Variants in CTTN observed in about 807,000 individuals in gnomAD.
CTTN encodes cortactin.
A neutral mutation model predicts 84.0 loss-of-function variants in CTTN; 28 were observed. The observed-to-expected ratio is 0.33, with a 90% confidence interval of 0.25 to 0.46. The LOEUF is 0.46. Among genes scored for constraint, CTTN ranks in the 20% least tolerant of loss-of-function variants. The probability of loss-of-function intolerance (pLI) is 1.00; values close to 1 mark genes in which losing one functional copy is unlikely to be tolerated. For missense variants in CTTN, 641 were observed against 723.8 expected, an observed-to-expected ratio of 0.89 and a Z score of 1.31; for synonymous variants, 301 against 288.8, an observed-to-expected ratio of 1.04 and a Z score of -0.43.
At position 70,435,163 on chromosome 11, in the gene CTTN, G is replaced by T; in HGVS notation, c.*1G>T. 6.2e-7 allele frequency: 1 copy of T among 1,606,892 alleles called. No individual in the cohort carries two copies. ...CAACTATGTGGAGCTGCGGCAGTAG[G>T]GCCCCCAGCCCCCCCCCGGAGCTGC... On this transcript the variant is annotated 3_prime_UTR_variant, in exon 18 of 18. Coordinates refer to ENST00000301843, the MANE Select transcript of CTTN (RefSeq NM_005231.4).
intron 10 of CTTN, among the ~76,000 whole-genome samples, chr11:70,420,960 C>T (rs1006497627): frequency 6.6e-6 from 1 of 152,206 alleles, no homozygotes; most frequent in Non-Finnish European, 1.5e-5. Flanking sequence ...CGGTTTTTGG[C>T]AGGAGATACT....
At chr11:70,425,436 T>C (rs759804911) in intron 13 of CTTN, 35 bp downstream of exon 13, 1 of 1,556,226 alleles carries the variant, frequency 6.4e-7, no homozygotes, top group South Asian at 1.1e-5. Context: ...CACCGTGTGG[T>C]TTCCCAGGAA....
At chr11:70,433,319 G>T in intron 16 of CTTN, 41 bp downstream of exon 16, 2 of 1,546,438 alleles carry the variant, frequency 1.3e-6, no homozygotes, top group Non-Finnish European at 1.7e-6. Context: ...CCAGGGCAGG[G>T]AGCTCCCGGG....
In CTTN at chr11:70,435,263, T is replaced by G. The variant is rs1300469729; in HGVS notation, c.*101T>G. On this transcript the variant is annotated 3_prime_UTR_variant, in exon 18 of 18. Transcript: ENST00000301843. ...TTTTGGGTTTTTTCTGTTTTTTTTT[T>G]TTTTTTTTTTTTTTTGAAGGTGGGG... The G allele has an allele frequency of 1.4e-6, 2 of 1,386,162 alleles. No homozygotes were observed. The highest frequency in any genetic ancestry group is 1.9e-6 in the Non-Finnish European group (2 of 1,074,982). 85.9% of individuals were successfully genotyped at this position (1,386,162 alleles called of 1,614,324 possible). A position where few individuals can be genotyped will look rare whatever the true frequency, so the allele number is the denominator to read the frequency against.
In CTTN at chr11:70,432,982, G is replaced by A. The variant is rs11825563; in HGVS notation, c.1267-119G>A. The A allele has an allele frequency of 0.017, 19,581 of 1,126,106 alleles. 2,460 individuals are homozygous for A. The African/African-American group carries it at 0.27, about 16-fold the overall frequency. 69.8% of individuals were successfully genotyped at this position (1,126,106 alleles called of 1,614,324 possible). On this transcript the variant is annotated intron_variant, in intron 15 of 17. Coordinates refer to ENST00000301843, the MANE Select transcript of CTTN (RefSeq NM_005231.4). The stretch of plus-strand genomic sequence containing the variant: ...TTCCTATACCGCGTCTGTTTTCTCA[G>A]TCCTGGCTGGGACTGAGAATTAGAT...
At chr11:70,434,932 G>C in intron 17 of CTTN, 94 bp from the exon 18 acceptor site, 2 of 1,375,338 alleles carry the variant, frequency 1.5e-6, no homozygotes, top group South Asian at 2.3e-5. Context: ...TCTCTGAGCA[G>C]GCTGCCTGGG....
At chr11:70,432,083 G>A (rs2058359317) in intron 15 of CTTN, among the ~76,000 whole-genome samples, 1 of 152,294 alleles carries the variant, frequency 6.6e-6, no homozygotes, top group Middle Eastern at 3.4e-3. Context: ...GACAGGCCGG[G>A]TCTGGGATCT....
intron 12 of CTTN, among the ~76,000 whole-genome samples, chr11:70,423,348 T>C (rs367616373): frequency 6.6e-6 from 1 of 152,112 alleles, no homozygotes; most frequent in East Asian, 1.9e-4. Context: ...GGAACCTGAG[T>C]GTGTTAGACT....
intron 13 of CTTN, among the ~76,000 whole-genome samples, chr11:70,425,743 G>A (rs747516925): frequency 1.3e-5 from 2 of 152,164 alleles, no homozygotes; most frequent in East Asian, 1.9e-4. Flanking sequence ...TCCCTGAGCC[G>A]CTCGGTCGCA....
chr11:70,401,802 C>T (rs2057986281), intron 1 of CTTN, among the ~76,000 whole-genome samples: 1 of 151,408 alleles, frequency 6.6e-6, no homozygotes, highest in Non-Finnish European at 1.5e-5. Context: ...CCTCTGCACT[C>T]TAGCCTGGGC....
At chr11:70,403,781 AT>A in intron 1 of CTTN, among the ~76,000 whole-genome samples, 1 of 152,204 alleles carries the variant, frequency 6.6e-6, no homozygotes, top group African/African-American at 2.4e-5. Context: ...CCTATTGGTT[AT>A]TTTTGTGATT....
intron 14 of CTTN, among the ~76,000 whole-genome samples, chr11:70,429,923 C>G (rs1340310230): frequency 6.6e-6 from 1 of 152,074 alleles, no homozygotes; most frequent in Admixed American, 6.5e-5. Flanking sequence ...TGGGGCAGGC[C>G]CAGCCTGTCT....
At position 70,417,253 on chromosome 11, in the gene CTTN, G is replaced by GT. The variant is rs2058174633; in HGVS notation, c.568+131dup. 4 of 694,182 alleles carry GT rather than the reference G, an allele frequency of 5.8e-6. No individual in the cohort carries two copies. The South Asian group carries it at 6.7e-5, about 12-fold the overall frequency. The allele number at this position is 694,182 out of a possible 1,614,324, so 43.0% of individuals were successfully genotyped here. A position where few individuals can be genotyped will look rare whatever the true frequency, so the allele number is the denominator to read the frequency against. On this transcript the variant is annotated intron_variant, in intron 8 of 17. Transcript: ENST00000301843. ...TGTTTGGTGTTCTTTTCGTACCAGT[G>GT]TATGTGGGCTTTTCCTAATTCGAAT... is the stretch of plus-strand genomic sequence containing the variant.
chr11:70,435,707 A>G lies in CTTN; in HGVS notation c.*545A>G, dbSNP rs907554873. ...CAGGAGCTGCCATGTCAGATGGGAA[A>G]TCTGCCTATGTCATACCGTGACAGC... On this transcript the variant is annotated 3_prime_UTR_variant, in exon 18 of 18. Coordinates refer to ENST00000301843, the MANE Select transcript of CTTN (RefSeq NM_005231.4). 1.3e-6 allele frequency: 2 copies of G among 1,597,942 alleles called. No individual in the cohort carries two copies. The highest frequency in any genetic ancestry group is 3.3e-5 in the Admixed American group (2 of 59,944).
At chr11:70,422,647 C>T (rs2135581927) in intron 11 of CTTN, 3 of 1,387,994 alleles carry the variant, frequency 2.2e-6, no homozygotes, top group East Asian at 7.3e-5. Context: ...TCCGTGCCCT[C>T]TTTCCTCGCT....
chr11:70,411,781 C>T (rs781729447), intron 5 of CTTN, among the ~76,000 whole-genome samples: 48 of 152,198 alleles, frequency 3.2e-4, no homozygotes, highest in Non-Finnish European at 6.2e-4. Flanking sequence ...CCTCACTTCC[C>T]TCTCTCCTGT....
chr11:70,415,234 A>T (rs1038307216), intron 6 of CTTN, among the ~76,000 whole-genome samples: 1 of 152,198 alleles, frequency 6.6e-6, no homozygotes, highest in Non-Finnish European at 1.5e-5. Flanking sequence ...GGATGATCAT[A>T]CCTATCTCAC....
rs1340581502 is a variant in CTTN, at chr11:70,435,584, G to T, written c.*422G>T. The stretch of plus-strand genomic sequence containing the variant: ...GGCCCTGTGGCGGGTAGGCAGGAAG[G>T]ACTGTCCCAGACGAGGGGCTTCCTC... On this transcript the variant is annotated 3_prime_UTR_variant, in exon 18 of 18. Transcript: ENST00000301843. 1.3e-6 allele frequency: 2 copies of T among 1,567,294 alleles called. No individual in the cohort carries two copies. Among genetic ancestry groups the T allele is most frequent in the East Asian group, 2.3e-5 (1 of 43,206 alleles).
Position 70,435,346 on chromosome 11 carries a change from T to C in CTTN, c.*184T>C, listed in dbSNP as rs1011341416. ...ACTTTTGCTGATGCTTTTGAAAATG[T>C]TTATGCCACAGAATTTGCTAATATA... is the stretch of plus-strand genomic sequence containing the variant. On this transcript the variant is annotated 3_prime_UTR_variant, in exon 18 of 18. Coordinates refer to ENST00000301843, the MANE Select transcript of CTTN (RefSeq NM_005231.4). 3.4e-6 allele frequency: 5 copies of C among 1,467,916 alleles called. No individual in the cohort carries two copies. In the African/African-American group the frequency reaches 7.2e-5, roughly 21 times the overall value. 90.9% of individuals were successfully genotyped at this position (1,467,916 alleles called of 1,614,324 possible). A position where few individuals can be genotyped will look rare whatever the true frequency, so the allele number is the denominator to read the frequency against.
Sources: allele counts gnomAD v4.1 joint callset (sites outside exome capture counted in the v4.1 genomes callset), GRCh38; gene constraint gnomAD v4.1.1; transcripts MANE v1.5; gene names NCBI Gene and HGNC (gene_info 2026-07-23, HGNC 2026-07-21).